Variants in NEK11 observed in about 807,000 individuals in gnomAD.
NEK11 encodes the protein serine/threonine-protein kinase Nek11.
A neutral mutation model predicts 80.7 loss-of-function variants in NEK11; 72 were observed. The ratio of observed to expected loss-of-function variants is 0.89; its 90% CI spans 0.74 to 1.08. NEK11 has a LOEUF of 1.08. Ranked by LOEUF, NEK11 falls within the 50% of genes least tolerant of loss-of-function variation. The pLI is 0.00. For missense variants in NEK11, 764 were observed against 763.6 expected (o/e 1.00, Z -0.01); for synonymous variants, 251 against 260.7 (o/e 0.96, Z 0.36).
chr3:131,246,742 T>C (rs2108198128), intron 16 of NEK11, among the ~76,000 whole-genome samples: 1 of 152,262 alleles, frequency 6.6e-6, no homozygotes, highest in Admixed American at 6.5e-5. Flanking sequence ...AGAGTAAAAG[T>C]GTTCCCTTTT....
chr3:131,160,660 A>G (rs1387164401), intron 10 of NEK11, among the ~76,000 whole-genome samples: 1 of 152,166 alleles, frequency 6.6e-6, no homozygotes, highest in Non-Finnish European at 1.5e-5. Flanking sequence ...GCAAGGCCCA[A>G]CTATATGCTG....
intron 14 of NEK11, among the ~76,000 whole-genome samples, chr3:131,215,862 C>A (rs977905068): frequency 2.0e-5 from 3 of 152,108 alleles, no homozygotes; most frequent in African/African-American, 7.2e-5. Context: ...AGAAATCTGG[C>A]CAAACTGAAA....
intron 3 of NEK11, among the ~76,000 whole-genome samples, chr3:131,070,284 C>G (rs2073031533): frequency 1.3e-5 from 2 of 152,248 alleles, no homozygotes; most frequent in South Asian, 4.1e-4. Flanking sequence ...TACTACTTTT[C>G]CATTGTTTAA....
chr3:131,147,271 G>A (rs1041121454), intron 7 of NEK11, among the ~76,000 whole-genome samples: 5 of 151,738 alleles, frequency 3.3e-5, no homozygotes, highest in African/African-American at 4.8e-5. Context: ...ATCCAAGTAC[G>A]TTTTTTTCTA....
chr3:131,149,423 A>G (rs990491403), intron 7 of NEK11, among the ~76,000 whole-genome samples: 1 of 152,100 alleles, frequency 6.6e-6, no homozygotes, highest in African/African-American at 2.4e-5. Context: ...TAGTGCTACA[A>G]TGAACATATG....
chr3:131,063,225 A>G (rs184580898), intron 3 of NEK11, among the ~76,000 whole-genome samples: 11 of 152,154 alleles, frequency 7.2e-5, no homozygotes, highest in Non-Finnish European at 1.3e-4. Flanking sequence ...GGGTCTCACT[A>G]TGTTGCCCAG....
chr3:131,169,217 A>G (rs1370711609), intron 13 of NEK11, among the ~76,000 whole-genome samples: 1 of 152,178 alleles, frequency 6.6e-6, no homozygotes, highest in Non-Finnish European at 1.5e-5. Flanking sequence ...GCCCATATAC[A>G]TGTTTATGAT....
chr3:131,190,504 G>T (rs2093754162), intron 14 of NEK11, among the ~76,000 whole-genome samples: 1 of 151,974 alleles, frequency 6.6e-6, no homozygotes, highest in South Asian at 2.1e-4. Context: ...GTTCCCTTCT[G>T]TTGCTTCCTG....
intron 14 of NEK11, among the ~76,000 whole-genome samples, chr3:131,225,345 T>A (rs1275998521): frequency 1.3e-5 from 2 of 152,208 alleles, no homozygotes; most frequent in Non-Finnish European, 2.9e-5. Flanking sequence ...CATCGAGGTT[T>A]GTAATAAGTA....
chr3:131,033,615 A>G (rs1358889499), intron 3 of NEK11, among the ~76,000 whole-genome samples: 15 of 152,226 alleles, frequency 9.9e-5, no homozygotes, highest in South Asian at 2.1e-4. Context: ...CTGTATGTAC[A>G]TAGTACTTAA....
rs143391104 is a variant in NEK11 at position 131,133,800 on chromosome 3, G to A, written c.521-30G>A. ...AGGGCTAATTTTTCGTTGGCTTAAA[G>A]TATTCATAAAAATTAATTATTATTT... On this transcript the variant is annotated intron_variant, in intron 6 of 17. Transcript: ENST00000383366. 739 of 1,593,186 alleles carry A rather than the reference G, an allele frequency of 4.6e-4. 3 individuals carry two copies. In the African/African-American group the frequency reaches 8.7e-3, roughly 19 times the overall value.
intron 17 of NEK11, among the ~76,000 whole-genome samples, chr3:131,297,545 T>G (rs1377949529): frequency 6.6e-6 from 1 of 152,214 alleles, no homozygotes; most frequent in Non-Finnish European, 1.5e-5. Context: ...TTGAGTTCAT[T>G]GTAGATTCTG....
intron 2 of NEK11, among the ~76,000 whole-genome samples, chr3:131,028,882 C>T (rs1467057350): frequency 1.3e-5 from 2 of 152,178 alleles, no homozygotes; most frequent in Non-Finnish European, 2.9e-5. Flanking sequence ...ATAACTGCCA[C>T]GTCTCATAGC....
chr3:131,058,941 A>G (rs571167077), intron 3 of NEK11, among the ~76,000 whole-genome samples: 2 of 152,320 alleles, frequency 1.3e-5, no homozygotes, highest in East Asian at 1.9e-4. Flanking sequence ...CGTATTAACA[A>G]TAGTGTAACT....
chr3:131,247,223 T>C (rs2095617295), intron 16 of NEK11, among the ~76,000 whole-genome samples: 1 of 152,068 alleles, frequency 6.6e-6, no homozygotes, highest in African/African-American at 2.4e-5. Flanking sequence ...TTTTTTCTGA[T>C]GTTATCTTCT....
At chr3:131,165,733 A>G (rs2092154822) in intron 12 of NEK11, among the ~76,000 whole-genome samples, 1 of 152,192 alleles carries the variant, frequency 6.6e-6, no homozygotes, top group African/African-American at 2.4e-5. Flanking sequence ...CCATTTAACA[A>G]AAATCAAGCT....
intron 17 of NEK11, among the ~76,000 whole-genome samples, chr3:131,336,321 A>G (rs1160824409): frequency 6.6e-6 from 1 of 152,208 alleles, no homozygotes; most frequent in African/African-American, 2.4e-5. Flanking sequence ...CCGCATTTCT[A>G]CAACTATCTG....
At chr3:131,058,369 C>T (rs1220177385) in intron 3 of NEK11, among the ~76,000 whole-genome samples, 2 of 152,078 alleles carry the variant, frequency 1.3e-5, no homozygotes, top group East Asian at 1.9e-4. Flanking sequence ...CTTGGCGATG[C>T]GGGCTCTTTT....
At chr3:131,060,933 G>T (rs2070739668) in intron 3 of NEK11, among the ~76,000 whole-genome samples, 1 of 152,070 alleles carries the variant, frequency 6.6e-6, no homozygotes, top group Non-Finnish European at 1.5e-5. Flanking sequence ...TGTGCTTATT[G>T]GCCATGTGTA....
Sources: allele counts gnomAD v4.1 joint callset (sites outside exome capture counted in the v4.1 genomes callset), GRCh38; gene constraint gnomAD v4.1.1; transcripts MANE v1.5; gene names NCBI Gene and HGNC (gene_info 2026-07-23, HGNC 2026-07-21).